The following RNF135 variants were observed in gnomAD, a reference collection of about 807,000 sequenced individuals.
The protein encoded by RNF135 is ring finger protein 135.
A neutral mutation model predicts 41.9 loss-of-function variants in RNF135; 46 were observed. That is an observed-to-expected ratio of 1.10 (90% confidence interval 0.87 to 1.40). The LOEUF is 1.40. Ranked by LOEUF, RNF135 falls within the 40% of genes most tolerant of loss-of-function variation. RNF135 has a pLI of 0.00. For synonymous variants in RNF135, 238 were observed against 223.8 expected, an observed-to-expected ratio of 1.06 and a Z score of -0.57; for missense variants, 539 against 549.8, an observed-to-expected ratio of 0.98 and a Z score of 0.20.
chr17:30,967,563 A>G (rs1448514777), upstream of RNF135, among the ~76,000 whole-genome samples: 2 of 152,172 alleles, frequency 1.3e-5, no homozygotes, highest in Non-Finnish European at 2.9e-5. Flanking sequence ...AATTTAATAC[A>G]CATACATACT....
chr17:30,971,168 C>G lies in RNF135; in HGVS notation c.95C>G (p.Ala32Gly), dbSNP rs1009457888. Reference protein sequence around the residue: ...IICQGLLDWPATLPCGHSFCR... With the variant: ...IICQGLLDWPGTLPCGHSFCR... ...TGCCAGGGGCTGCTGGACTGGCCCG[C>G]CACGCTGCCCTGCGGCCACAGCTTC... The change falls in exon 1 of 5, where the codon GCC (alanine) becomes GGC (glycine). Residue 32 changes from alanine to glycine, a missense_variant. This residue lies in a region of RNF135 where 277 missense variants were observed against 212.8 expected (regional missense o/e 1.30). Transcript: ENST00000328381. 3.9e-6 allele frequency: 6 copies of G among 1,530,240 alleles called. No homozygotes were observed. In the African/African-American group the frequency reaches 8.3e-5, roughly 21 times the overall value. The allele number at this position is 1,530,240 out of a possible 1,614,324, so 94.8% of individuals were successfully genotyped here. A position where few individuals can be genotyped will look rare whatever the true frequency, so the allele number is the denominator to read the frequency against.
upstream of RNF135, among the ~76,000 whole-genome samples, chr17:30,969,778 T>C (rs1905738391): frequency 6.8e-6 from 1 of 147,070 alleles, no homozygotes; most frequent in Admixed American, 6.8e-5. Context: ...TTTTTTTTTT[T>C]TTTTGAGACG....
intron 1 of RNF135, among the ~76,000 whole-genome samples, chr17:30,974,522 G>A (rs1463255801): frequency 1.3e-5 from 2 of 151,298 alleles, no homozygotes. Flanking sequence ...ACAATATTAA[G>A]TCTTCTTTCC....
chr17:30,988,187 T>G, intron 3 of RNF135, 81 bp downstream of exon 3: 1 of 1,353,352 alleles, frequency 7.4e-7, no homozygotes, highest in Non-Finnish European at 1.0e-6. Context: ...CTTTGTTCTC[T>G]GGGGATAGGA....
At chr17:30,978,262 T>TATTG (rs1298421582) in intron 1 of RNF135, among the ~76,000 whole-genome samples, 3 of 152,348 alleles carry the variant, frequency 2.0e-5, no homozygotes, top group Non-Finnish European at 4.4e-5. Flanking sequence ...TGTATGTAGA[T>TATTG]ATTGATGTCT....
chr17:30,995,445 GT>G (rs1908289568), intron 3 of RNF135, among the ~76,000 whole-genome samples: 1 of 152,086 alleles, frequency 6.6e-6, no homozygotes, highest in Admixed American at 6.6e-5. Flanking sequence ...GCCCAGGCTG[GT>G]CTGGAACTCC....
intron 1 of RNF135, chr17:30,975,891 C>G (rs1906405561): frequency 1.6e-6 from 1 of 641,620 alleles, no homozygotes; most frequent in Non-Finnish European, 2.8e-6. Flanking sequence ...ATTTTGGAAT[C>G]CCAAGTTTGG....
chr17:30,998,836 G>A lies in RNF135; in HGVS notation c.944G>A (p.Trp315Ter). Reference protein sequence around the residue: ...SQALSSGKHYWEVDTRNCSHW... With the variant: ...SQALSSGKHY ...GCCCTGTCTTCTGGAAAGCATTACT[G>A]GGAAGTGGACACTAGGAATTGCAGC... Residue 315 changes from tryptophan to a stop codon, truncating the protein, a stop_gained, in exon 5 of 5, where the codon TGG becomes TAG. Coordinates refer to ENST00000328381, the MANE Select transcript of RNF135 (RefSeq NM_032322.4). LOFTEE classifies it high-confidence loss of function. 1 of 1,613,246 alleles carries A rather than the reference G, an allele frequency of 6.2e-7. No homozygotes were observed.
At chr17:30,962,384 G>A in the RNF135 span, among the ~76,000 whole-genome samples, 8 of 151,532 alleles carry the variant, frequency 5.3e-5, no homozygotes, top group African/African-American at 1.7e-4. Flanking sequence ...CACCCACTTC[G>A]GCCTCCCAAA....
the RNF135 span, among the ~76,000 whole-genome samples, chr17:30,963,678 C>A: frequency 6.6e-6 from 1 of 152,268 alleles, no homozygotes; most frequent in Non-Finnish European, 1.5e-5. Context: ...TAAATATTTT[C>A]TTCCAGTCCA....
At chr17:30,975,877 C>A in intron 1 of RNF135, 1 of 693,318 alleles carries the variant, frequency 1.4e-6, no homozygotes, top group Non-Finnish European at 2.6e-6. Context: ...ATGGCTTCTA[C>A]CCCATTTTGG....
intron 1 of RNF135, chr17:30,975,776 C>A: frequency 9.0e-7 from 1 of 1,111,010 alleles, no homozygotes; most frequent in Non-Finnish European, 1.4e-6. Context: ...CTCTTTCCAG[C>A]TCATCCTGTA....
At chr17:30,992,830 G>T (rs953963977) in intron 3 of RNF135, among the ~76,000 whole-genome samples, 2 of 151,726 alleles carry the variant, frequency 1.3e-5, no homozygotes, top group Non-Finnish European at 2.9e-5. Context: ...AGTAAATTTT[G>T]TTCATTTTTT....
At chr17:30,979,644 G>A (rs1431899453) in intron 1 of RNF135, among the ~76,000 whole-genome samples, 3 of 128,022 alleles carry the variant, frequency 2.3e-5, no homozygotes, top group African/African-American at 9.2e-5. Flanking sequence ...GGACGGGGCG[G>A]CTGGCCAGGC....
At chr17:30,975,835 C>T in intron 1 of RNF135, 1 of 923,288 alleles carries the variant, frequency 1.1e-6, no homozygotes, top group Non-Finnish European at 1.8e-6. Context: ...ACAGAATAGT[C>T]CATTTTGGCT....
chr17:30,988,652 T>C (rs1429639020), intron 3 of RNF135, among the ~76,000 whole-genome samples: 1 of 151,710 alleles, frequency 6.6e-6, no homozygotes, highest in African/African-American at 2.4e-5. Flanking sequence ...GGTCTCAATC[T>C]CCTGACCTTG....
chr17:30,999,308 C>T lies in RNF135; in HGVS notation c.*117C>T, dbSNP rs1908586679. Reference sequence around the variant, plus strand: ...AGAAAAATTACGATAGAGATGGGATCTCACTAGGTTGCCCAGGCTGGTGTC... The same window carrying T: ...AGAAAAATTACGATAGAGATGGGATTTCACTAGGTTGCCCAGGCTGGTGTC... On this transcript the variant is annotated 3_prime_UTR_variant, in exon 5 of 5. Transcript: ENST00000328381. The T allele has an allele frequency of 8.6e-7, 1 of 1,161,222 alleles. No homozygotes were observed. Among genetic ancestry groups the T allele is most frequent in the African/African-American group, 1.5e-5 (1 of 65,580 alleles). 71.9% of individuals were successfully genotyped at this position (1,161,222 alleles called of 1,614,324 possible).
chr17:30,965,891 C>A, the RNF135 span, among the ~76,000 whole-genome samples: 2 of 151,920 alleles, frequency 1.3e-5, no homozygotes, highest in Admixed American at 6.6e-5. Context: ...TCACAAGTCA[C>A]CAGTCCTGGT....
chr17:30,984,758 A>T lies in RNF135; in HGVS notation c.514A>T (p.Lys172Ter). 1 of 1,614,140 alleles carries T rather than the reference A, an allele frequency of 6.2e-7. No homozygotes were observed. Among genetic ancestry groups the T allele is most frequent in the Non-Finnish European group, 8.5e-7 (1 of 1,179,992 alleles). Reference sequence around the variant, plus strand: ...AGACAACGAACTGAGCATCCTGGGCAAGGTAGGCTCCACTGGGAGAGGAAA... The same window carrying T: ...AGACAACGAACTGAGCATCCTGGGCTAGGTAGGCTCCACTGGGAGAGGAAA... Reference protein sequence around the residue: ...GPDNELSILGKAFSSGVDLSM... With the variant: ...GPDNELSILG The change falls in exon 2 of 5, where the codon AAG (lysine) becomes TAG (stop). Residue 172 changes from lysine to a stop codon, truncating the protein, a stop_gained and splice_region_variant. Coordinates refer to ENST00000328381, the MANE Select transcript of RNF135 (RefSeq NM_032322.4). LOFTEE classifies it high-confidence loss of function.
Sources: gnomAD v4.1 joint callset for allele counts (sites outside exome capture counted in the v4.1 genomes callset) on GRCh38, gnomAD v4.1.1 for gene constraint, gnomAD v4.1.1 regional missense constraint, MANE v1.5 for transcripts, NCBI Gene and HGNC (gene_info 2026-07-23, HGNC 2026-07-21) for gene names.